RARS2: variants seen among roughly 807,000 people sequenced by gnomAD.
The protein encoded by RARS2 is arginyl-tRNA synthetase 2, mitochondrial.
Under a neutral mutation model 88.5 loss-of-function variants are expected in RARS2, and 67 were observed. The observed-to-expected ratio is 0.76, with a 90% CI of 0.62 to 0.93. The LOEUF (loss-of-function observed/expected upper bound fraction) is 0.93, where lower values mean the gene tolerates loss of function less well. Ranked by LOEUF, RARS2 falls within the 40% of genes least tolerant of loss-of-function variation. The pLI is 0.00. For missense variants in RARS2, 664 were observed against 684.2 expected (o/e 0.97, Z 0.33); for synonymous variants, 239 against 230.3 (o/e 1.04, Z -0.34).
chr6:87,545,729 A>G, intron 6 of RARS2, 30 bp from the exon 7 acceptor site: 1 of 1,604,580 alleles, frequency 6.2e-7, no homozygotes, highest in Non-Finnish European at 8.5e-7. Context: ...ATAGTTTCTC[A>G]TTCTTGTTAT....
intron 1 of RARS2, 83 bp from the exon 2 acceptor site, chr6:87,569,673 T>G: frequency 9.4e-7 from 1 of 1,066,604 alleles, no homozygotes; most frequent in South Asian, 1.3e-5. Flanking sequence ...AAGAATAAAC[T>G]ATTAATACAC....
intron 16 of RARS2, 142 bp downstream of exon 16, chr6:87,518,488 C>A: frequency 8.3e-7 from 1 of 1,205,490 alleles, no homozygotes; most frequent in Non-Finnish European, 1.1e-6. Flanking sequence ...TTTTTTTTTT[C>A]CTAAAAGAAG....
chr6:87,545,412 C>G (rs1359335083), intron 7 of RARS2, among the ~76,000 whole-genome samples: 1 of 151,552 alleles, frequency 6.6e-6, no homozygotes, highest in Non-Finnish European at 1.5e-5. Context: ...GTGAAGTTAC[C>G]TTCCCCAAAG....
At chr6:87,586,785 C>T (rs1356662063) in intron 1 of RARS2, among the ~76,000 whole-genome samples, 1 of 152,120 alleles carries the variant, frequency 6.6e-6, no homozygotes, top group Non-Finnish European at 1.5e-5. Context: ...ATCCTTGGGA[C>T]CACAAGTGTT....
At chr6:87,575,861 G>C (rs912877186) in intron 1 of RARS2, among the ~76,000 whole-genome samples, 6 of 150,528 alleles carry the variant, frequency 4.0e-5, no homozygotes, top group African/African-American at 1.5e-4. Context: ...TTGTCACCCA[G>C]GCTAGAGGGC....
At chr6:87,545,447 CAAAT>C (rs1435541207) in intron 7 of RARS2, among the ~76,000 whole-genome samples, 165 bp downstream of exon 7, 4 of 132,894 alleles carry the variant, frequency 3.0e-5, no homozygotes, top group Non-Finnish European at 4.8e-5. Flanking sequence ...GAGAATTACT[CAAAT>C]AAATAGAAGA....
intron 8 of RARS2, among the ~76,000 whole-genome samples, chr6:87,541,455 T>C (rs1014938626): frequency 6.6e-6 from 1 of 152,190 alleles, no homozygotes; most frequent in Admixed American, 6.5e-5. Flanking sequence ...GGGATGCAAG[T>C]GTGAGTCACT....
chr6:87,583,760 C>G (rs1774299007), intron 1 of RARS2, among the ~76,000 whole-genome samples: 1 of 152,148 alleles, frequency 6.6e-6, no homozygotes, highest in Non-Finnish European at 1.5e-5. Flanking sequence ...GGCTTTGAGG[C>G]AAATAGCTAG....
At chr6:87,568,115 T>TA (rs1359448678) in intron 2 of RARS2, among the ~76,000 whole-genome samples, 3 of 152,168 alleles carry the variant, frequency 2.0e-5, no homozygotes, top group Non-Finnish European at 2.9e-5. Context: ...CTCAGATTGT[T>TA]AAAGTGGAAG....
chr6:87,546,190 C>T (rs1782588669), intron 6 of RARS2, among the ~76,000 whole-genome samples: 1 of 152,224 alleles, frequency 6.6e-6, no homozygotes, highest in Non-Finnish European at 1.5e-5. Context: ...AAGGCCTTCA[C>T]TTTCCCATAC....
rs548213105 is a variant in RARS2 at position 87,530,773 on chromosome 6, T to G, written c.771+11A>C. 2.5e-6 allele frequency: 4 copies of G among 1,613,688 alleles called. No individual in the cohort carries two copies. Among genetic ancestry groups the G allele is most frequent in the Admixed American group, 3.3e-5 (2 of 59,976 alleles). ...CATCATGGGAAAGCAGAAGGGAGGG[T>G]CAACCAATACCTTGTAAACCCGAAT... On this transcript the variant is annotated intron_variant, in intron 9 of 19. Coordinates refer to ENST00000369536, the MANE Select transcript of RARS2 (RefSeq NM_020320.5).
chr6:87,580,770 A>C (rs1160699052), intron 1 of RARS2, among the ~76,000 whole-genome samples: 3 of 151,816 alleles, frequency 2.0e-5, no homozygotes, highest in Non-Finnish European at 4.4e-5. Flanking sequence ...TTATTTATTT[A>C]TTTATTTGCT....
intron 9 of RARS2, among the ~76,000 whole-genome samples, chr6:87,530,485 G>C (rs2128061530): frequency 6.6e-6 from 1 of 152,184 alleles, no homozygotes; most frequent in African/African-American, 2.4e-5. Flanking sequence ...AAATGAATCA[G>C]TTTATTAACC....
intron 1 of RARS2, among the ~76,000 whole-genome samples, chr6:87,580,326 C>T (rs1005964511): frequency 6.6e-6 from 1 of 152,048 alleles, no homozygotes; most frequent in African/African-American, 2.4e-5. Flanking sequence ...AATAAAATAT[C>T]CTAAAAAGGT....
At position 87,547,230 on chromosome 6, in the gene RARS2, C is replaced by T. The variant is rs185090721; in HGVS notation, c.451+1361G>A. Among the ~76,000 whole-genome samples, 13 of 152,318 alleles carry T rather than the reference C, an allele frequency of 8.5e-5. No homozygotes were observed. In the East Asian group the frequency reaches 2.1e-3, roughly 25 times the overall value. ...TACCCTACCCATCATTTACTCACTC[C>T]TATACTTTTGACTTACTCATATAGC... On this transcript the variant is annotated intron_variant, in intron 6 of 19. Transcript: ENST00000369536.
chr6:87,549,842 G>A (rs1783799596), intron 5 of RARS2, among the ~76,000 whole-genome samples: 1 of 152,132 alleles, frequency 6.6e-6, no homozygotes, highest in African/African-American at 2.4e-5. Context: ...AAGCAAATAT[G>A]GCAATATCTT....
intron 11 of RARS2, among the ~76,000 whole-genome samples, chr6:87,522,921 T>G (rs1370931668): frequency 2.0e-5 from 3 of 152,220 alleles, no homozygotes; most frequent in Admixed American, 2.0e-4. Flanking sequence ...ACAAAAAATC[T>G]TATTCTTCAT....
intron 4 of RARS2, among the ~76,000 whole-genome samples, chr6:87,558,581 T>TC (rs1786761860): frequency 6.6e-6 from 1 of 152,180 alleles, no homozygotes; most frequent in Non-Finnish European, 1.5e-5. Context: ...ACAATGGTGG[T>TC]CCCATTAAGA....
At chr6:87,557,778 G>A (rs775858869) in intron 4 of RARS2, among the ~76,000 whole-genome samples, 3 of 152,080 alleles carry the variant, frequency 2.0e-5, no homozygotes, top group Non-Finnish European at 4.4e-5. Flanking sequence ...TTCCTTTGTA[G>A]GCTCTTCTTC....
Sources: allele counts gnomAD v4.1 joint callset (sites outside exome capture counted in the v4.1 genomes callset), GRCh38; gene constraint gnomAD v4.1.1; transcripts MANE v1.5; gene names NCBI Gene and HGNC (gene_info 2026-07-23, HGNC 2026-07-21).